Variants in JAKMIP1 observed in about 807,000 individuals in gnomAD.
JAKMIP1 encodes the protein janus kinase and microtubule-interacting protein 1.
JAKMIP1 carries 33 observed loss-of-function variants against 113.0 expected under a neutral mutation model. The ratio of observed to expected loss-of-function variants is 0.29; its 90% CI spans 0.22 to 0.39. The LOEUF (loss-of-function observed/expected upper bound fraction) is 0.39, where lower values mean the gene tolerates loss of function less well. JAKMIP1 is among the 10% of genes least tolerant of loss of function. The pLI is 1.00. For missense variants in JAKMIP1, 813 were observed against 1,080.5 expected (o/e 0.75, Z 3.47); for synonymous variants, 480 against 459.9 (o/e 1.04, Z -0.56).
rs753831486 is a variant in JAKMIP1, at chr4:6,042,174, G to A, written c.2082C>T (p.Asp694=). 1 of 1,613,668 alleles carries A rather than the reference G, an allele frequency of 6.2e-7. No individual in the cohort carries two copies. Among genetic ancestry groups the A allele is most frequent in the Non-Finnish European group, 8.5e-7 (1 of 1,179,746 alleles). ...AATCTTTTACCTTCTCCTTCTCCAG[G>A]TCCAGCATCTTCTGGGTCAGGGCGG... ...TEAALTQKML[D]LEKEKDLFSR... The change falls in exon 17 of 21, where the codon GAC becomes GAT. Residue 694 remains aspartate (D), a synonymous_variant. Transcript: ENST00000409021. The surrounding 1 kb of genome is among the most constrained non-coding windows in gnomAD (Gnocchi z 5.2).
In JAKMIP1 at chr4:6,048,889, G is replaced by T; in HGVS notation, c.1996C>A (p.Gln666Lys). 6.2e-7 allele frequency: 1 copy of T among 1,613,962 alleles called. No individual in the cohort carries two copies. The highest frequency in any genetic ancestry group is 1.1e-5 in the South Asian group (1 of 91,084). ...LRNEEQVAIIQAGTVLALCEK... is the reference protein window; with the variant it reads ...LRNEEQVAIIKAGTVLALCEK... ...CACAGGGCAAGCACAGTTCCAGCTT[G>T]GATTATTGCAACCTGTTCTTCATTT... Residue 666 changes from glutamine (Q) to lysine (K), a missense_variant, in exon 16 of 21, where the codon CAA becomes AAA. Around this residue, in one of 2 missense-constraint regions of JAKMIP1, gnomAD observed 273 missense variants for 426.6 expected, o/e 0.64. Coordinates refer to ENST00000409021, the MANE Select transcript of JAKMIP1 (RefSeq NM_001099433.2).
rs550162788 is a variant in JAKMIP1 at position 6,088,148 on chromosome 4, A to G, written c.625-2519T>C. ...CTATCAGTGGGTGCTGAGAAACATT[A>G]GAGAGCAAAAGAGACCAGCCGCCCT... On this transcript the variant is annotated intron_variant, in intron 3 of 20. Transcript: ENST00000409021. This position sits in a 1 kb window ranked among gnomAD's most constrained non-coding sequence, Gnocchi z 5.5. Among the ~76,000 whole-genome samples the G allele has an allele frequency of 6.6e-6, 1 of 152,364 alleles. No homozygotes were observed. Among genetic ancestry groups the G allele is most frequent in the African/African-American group, 2.4e-5 (1 of 41,592 alleles).
Position 6,138,850 on chromosome 4 carries a change from G to A in JAKMIP1, c.-147-25853C>T, listed in dbSNP as rs193023957. 8.6e-4 allele frequency among the ~76,000 whole-genome samples: 131 copies of A among 152,186 alleles called. 2 individuals are homozygous for A. Among genetic ancestry groups the A allele is most frequent in the African/African-American group, 3.0e-3 (125 of 41,490 alleles). ...TGAGGAAAATCATAGTACCTGCCCC[G>A]GCAAAAGCGAATGCGCACAGAGCAC... On this transcript the variant is annotated intron_variant, in intron 1 of 20. Transcript: ENST00000409021. This position sits in a 1 kb window ranked among gnomAD's most constrained non-coding sequence, Gnocchi z 6.0.
At position 6,093,374 on chromosome 4, in the gene JAKMIP1, G is replaced by A. The variant is rs941678803; in HGVS notation, c.625-7745C>T. Among the ~76,000 whole-genome samples the A allele has an allele frequency of 2.0e-5, 3 of 152,296 alleles. No individual in the cohort carries two copies. In the East Asian group the frequency reaches 5.8e-4, roughly 29 times the overall value. ...AGTAAATAAATATTCAACTGAGGGG[G>A]AGCTCTCCTGCCCAGGGCTATATGT... On this transcript the variant is annotated intron_variant, in intron 3 of 20. Coordinates refer to ENST00000409021, the MANE Select transcript of JAKMIP1 (RefSeq NM_001099433.2). The surrounding 1 kb of genome is among the most constrained non-coding windows in gnomAD (Gnocchi z 4.6).
chr4:6,056,612 T>G, intron 12 of JAKMIP1, 85 bp downstream of exon 12: 1 of 1,025,716 alleles, frequency 9.7e-7, no homozygotes, highest in South Asian at 1.3e-5. Context: ...CAAATGGCGC[T>G]GGGCACGACC....
In JAKMIP1 at chr4:6,097,606, T is replaced by C. The variant is rs1398287467; in HGVS notation, c.624+7867A>G. Among the ~76,000 whole-genome samples the C allele has an allele frequency of 6.6e-6, 1 of 152,200 alleles. No homozygotes were observed. Among genetic ancestry groups the C allele is most frequent in the Non-Finnish European group, 1.5e-5 (1 of 68,036 alleles). Reference sequence around the variant, plus strand: ...TCACAGAGTTTCAGATTTTGGAGCATTTGGGACTTTGGATTAGGGATGCTC... The same window carrying C: ...TCACAGAGTTTCAGATTTTGGAGCACTTGGGACTTTGGATTAGGGATGCTC... On this transcript the variant is annotated intron_variant, in intron 3 of 20. Coordinates refer to ENST00000409021, the MANE Select transcript of JAKMIP1 (RefSeq NM_001099433.2). This position sits in a 1 kb window ranked among gnomAD's most constrained non-coding sequence, Gnocchi z 4.3.
chr4:6,191,962 C>T (rs1463179584), intron 1 of JAKMIP1, among the ~76,000 whole-genome samples: 4 of 53,856 alleles, frequency 7.4e-5, no homozygotes, highest in African/African-American at 1.8e-4. Context: ...GATGGAGTTT[C>T]GCTCTTGTCA....
rs1360167241 is a variant in JAKMIP1, at chr4:6,192,067, G to C, written c.-148+8186C>G. Among the ~76,000 whole-genome samples the C allele has an allele frequency of 1.3e-5, 2 of 152,018 alleles. No individual in the cohort carries two copies. Among genetic ancestry groups the C allele is most frequent in the East Asian group, 1.9e-4 (1 of 5,166 alleles). ...CCTGCCTCAGCCTCCCGAGTAGTTG[G>C]GATTACAGGCGTGTGCCACCATGCC... On this transcript the variant is annotated intron_variant, in intron 1 of 20. Coordinates refer to ENST00000409021, the MANE Select transcript of JAKMIP1 (RefSeq NM_001099433.2). The surrounding 1 kb of genome is among the most constrained non-coding windows in gnomAD (Gnocchi z 5.0).
chr4:6,177,273 C>T (rs1725453293), intron 1 of JAKMIP1, among the ~76,000 whole-genome samples: 1 of 152,170 alleles, frequency 6.6e-6, no homozygotes, highest in African/African-American at 2.4e-5. Flanking sequence ...CTGATCCGAC[C>T]TCCCCATTGC....
chr4:6,191,782 A>T (rs1316809173), intron 1 of JAKMIP1, among the ~76,000 whole-genome samples: 2 of 152,192 alleles, frequency 1.3e-5, no homozygotes, highest in African/African-American at 4.8e-5. Flanking sequence ...AAGAAGATGA[A>T]ATTAATAATA....
In JAKMIP1 at chr4:6,129,620, G is replaced by A. The variant is rs1475427372; in HGVS notation, c.-147-16623C>T. Reference sequence around the variant, plus strand: ...ATGCTGATGGCCATTCCTGCTGAAAGTTCCTTTGTCCAGACCCCCACTCAG... The same window carrying A: ...ATGCTGATGGCCATTCCTGCTGAAAATTCCTTTGTCCAGACCCCCACTCAG... On this transcript the variant is annotated intron_variant, in intron 1 of 20. Transcript: ENST00000409021. The surrounding 1 kb of genome is among the most constrained non-coding windows in gnomAD (Gnocchi z 5.4). Among the ~76,000 whole-genome samples the A allele has an allele frequency of 6.6e-6, 1 of 151,940 alleles. No homozygotes were observed. The highest frequency in any genetic ancestry group is 1.5e-5 in the Non-Finnish European group (1 of 67,980).
rs1713832515 is a variant in JAKMIP1, at chr4:6,105,760, G to T, written c.337C>A (p.Leu113Met). 1 of 1,603,856 alleles carries T rather than the reference G, an allele frequency of 6.2e-7. No homozygotes were observed. Among genetic ancestry groups the T allele is most frequent in the African/African-American group, 1.3e-5 (1 of 74,870 alleles). Residue 113 changes from leucine to methionine, a missense_variant, in exon 3 of 21, where the codon CTG becomes ATG. By Grantham distance (15) the Leu-to-Met change is conservative. Coordinates refer to ENST00000409021, the MANE Select transcript of JAKMIP1 (RefSeq NM_001099433.2). ...CGCAGCACGTTCAGCGTGGCCTGCA[G>T]CCGCTGCAGCTCGCCCTCCTTGATC... is the stretch of plus-strand genomic sequence containing the variant. ...AKIKEGELQRLQATLNVLRDG... is the reference protein window; with the variant it reads ...AKIKEGELQRMQATLNVLRDG...
rs1715722734 is a variant in JAKMIP1, at chr4:6,116,043, C to T, written c.-147-3046G>A. Among the ~76,000 whole-genome samples the T allele has an allele frequency of 1.3e-5, 2 of 152,278 alleles. No individual in the cohort carries two copies. Among genetic ancestry groups the T allele is most frequent in the South Asian group, 4.2e-4 (2 of 4,816 alleles). ...GGGCTGATACCAAGCCTGGTACTCT[C>T]AACACCCCATGCCAGACACTGCCAG... On this transcript the variant is annotated intron_variant, in intron 1 of 20. Transcript: ENST00000409021. The surrounding 1 kb of genome is among the most constrained non-coding windows in gnomAD (Gnocchi z 5.1).
At chr4:6,087,949 T>C (rs913965364) in intron 3 of JAKMIP1, among the ~76,000 whole-genome samples, 4 of 152,146 alleles carry the variant, frequency 2.6e-5, no homozygotes, top group South Asian at 2.1e-4. Context: ...GTGTTGCAAT[T>C]TCCAAATGGG....
At chr4:6,026,822 G>A (rs948584339) in intron 20 of JAKMIP1, among the ~76,000 whole-genome samples, 9 of 151,290 alleles carry the variant, frequency 5.9e-5, no homozygotes, top group Admixed American at 1.3e-4. Flanking sequence ...AATGTGGCCC[G>A]ACACAAATGT....
At chr4:6,177,151 G>A (rs1339061456) in intron 1 of JAKMIP1, among the ~76,000 whole-genome samples, 3 of 152,228 alleles carry the variant, frequency 2.0e-5, no homozygotes, top group Non-Finnish European at 4.4e-5. Context: ...CTTCGGGTAG[G>A]AGGGTGTTGG....
At chr4:6,087,216 G>A (rs1721428598) in intron 3 of JAKMIP1, among the ~76,000 whole-genome samples, 1 of 152,066 alleles carries the variant, frequency 6.6e-6, no homozygotes, top group African/African-American at 2.4e-5. Flanking sequence ...TGGGGTGAAG[G>A]GCCCTCTTCT....
intron 1 of JAKMIP1, among the ~76,000 whole-genome samples, chr4:6,189,892 G>A (rs1484190145): frequency 6.6e-6 from 1 of 152,050 alleles, no homozygotes. Context: ...AGAGCAGCCG[G>A]GGGACTGTGT....
At position 6,044,893 on chromosome 4, in the gene JAKMIP1, A is replaced by T. The variant is rs1478995051; in HGVS notation, c.2029-2666T>A. Among the ~76,000 whole-genome samples the T allele has an allele frequency of 6.6e-6, 1 of 152,234 alleles. No individual in the cohort carries two copies. The highest frequency in any genetic ancestry group is 1.5e-5 in the Non-Finnish European group (1 of 68,038). The stretch of plus-strand genomic sequence containing the variant: ...GGAGGCTCAGTCACTCCTGGGAGAA[A>T]CAGCGTTCATGGTTCTGCTCCAACC... On this transcript the variant is annotated intron_variant, in intron 16 of 20. Coordinates refer to ENST00000409021, the MANE Select transcript of JAKMIP1 (RefSeq NM_001099433.2). This position sits in a 1 kb window ranked among gnomAD's most constrained non-coding sequence, Gnocchi z 4.4.
Sources: gnomAD v4.1 joint callset for allele counts (sites outside exome capture counted in the v4.1 genomes callset) on GRCh38, gnomAD v4.1.1 for gene constraint, gnomAD v4.1.1 regional missense constraint, Gnocchi (gnomAD v3.1) non-coding constraint, MANE v1.5 for transcripts, NCBI Gene and HGNC (gene_info 2026-07-23, HGNC 2026-07-21) for gene names.